Variants in FERMT1 observed in about 807,000 individuals in gnomAD.
The protein encoded by FERMT1 is fermitin family homolog 1.
A neutral mutation model predicts 85.3 loss-of-function variants in FERMT1; 60 were observed. The ratio of observed to expected loss-of-function variants is 0.70; its 90% confidence interval spans 0.57 to 0.87. FERMT1 has a LOEUF of 0.87. FERMT1 is among the 40% of genes least tolerant of loss of function. The pLI is 0.00. For synonymous variants in FERMT1, 275 were observed against 301.1 expected, an observed-to-expected ratio of 0.91 and a Z score of 0.90; for missense variants, 701 against 818.9, an observed-to-expected ratio of 0.86 and a Z score of 1.76.
At chr20:6,088,376 C>T (rs909322857) in intron 10 of FERMT1, among the ~76,000 whole-genome samples, 4 of 152,198 alleles carry the variant, frequency 2.6e-5, no homozygotes, top group Admixed American at 6.5e-5. Flanking sequence ...CAGGATCTTA[C>T]AGCACCTCAT....
chr20:6,111,554 C>T (rs1768458979), intron 4 of FERMT1, among the ~76,000 whole-genome samples: 1 of 152,100 alleles, frequency 6.6e-6, no homozygotes, highest in South Asian at 2.1e-4. Context: ...ATCACTTGAG[C>T]CCGGGAGGCA....
intron 6 of FERMT1, among the ~76,000 whole-genome samples, chr20:6,102,405 G>A (rs1181367001): frequency 6.6e-6 from 1 of 151,922 alleles, no homozygotes; most frequent in Non-Finnish European, 1.5e-5. Context: ...AGATGGGCAC[G>A]GTGGCTCAAG....
Position 6,087,823 on chromosome 20 carries a change from AT to A in FERMT1, c.1324del (p.Ile442SerfsTer7). On this transcript the variant is annotated frameshift_variant, in exon 11 of 15. Transcript: ENST00000217289. LOFTEE classifies it high-confidence loss of function. ...AGRKFGIKLL[I>X]PVADGMNEMY... is the part of the protein sequence containing the mutation. ...TTCATTCATACCATCGGCAACAGGGATTAGTAACTTGATTCCAAATTTTCTT... is the reference window on the plus strand; with the variant it reads ...TTCATTCATACCATCGGCAACAGGGATAGTAACTTGATTCCAAATTTTCTT... 1 of 1,611,998 alleles carries A rather than the reference AT, an allele frequency of 6.2e-7. No individual in the cohort carries two copies. The highest frequency in any genetic ancestry group is 8.5e-7 in the Non-Finnish European group (1 of 1,178,076).
chr20:6,103,841 T>G (rs1982727721), intron 6 of FERMT1, among the ~76,000 whole-genome samples: 1 of 150,226 alleles, frequency 6.7e-6, no homozygotes, highest in East Asian at 1.9e-4. Context: ...TTCTGGATTC[T>G]TCATTTTTTG....
intron 11 of FERMT1, 148 bp downstream of exon 11, chr20:6,087,629 C>G: frequency 1.4e-6 from 1 of 700,670 alleles, no homozygotes; most frequent in Non-Finnish European, 2.6e-6. Flanking sequence ...GTTAGAATGT[C>G]ATTGTGATTT....
intron 2 of FERMT1, among the ~76,000 whole-genome samples, chr20:6,117,057 C>T (rs994722226): frequency 6.6e-6 from 1 of 152,152 alleles, no homozygotes; most frequent in Non-Finnish European, 1.5e-5. Context: ...CCAAAGTGTC[C>T]AAATTGAAGT....
chr20:6,108,160 A>G (rs1982849225), intron 5 of FERMT1, among the ~76,000 whole-genome samples: 1 of 152,148 alleles, frequency 6.6e-6, no homozygotes, highest in Non-Finnish European at 1.5e-5. Context: ...GCCACTGTGC[A>G]CGGCCTCGCT....
At chr20:6,102,072 G>C (rs1170775042) in intron 6 of FERMT1, among the ~76,000 whole-genome samples, 1 of 152,038 alleles carries the variant, frequency 6.6e-6, no homozygotes, top group Non-Finnish European at 1.5e-5. Context: ...CTGTCATGCA[G>C]GGTGTAGTGC....
intron 13 of FERMT1, among the ~76,000 whole-genome samples, chr20:6,079,889 A>G (rs1981945790): frequency 6.6e-6 from 1 of 152,188 alleles, no homozygotes; most frequent in African/African-American, 2.4e-5. Context: ...GGCATGGGAG[A>G]TATAGTAGTA....
Position 6,076,834 on chromosome 20 carries a change from A to G in FERMT1, c.*339T>C, listed in dbSNP as rs1214760967. 2 of 405,904 alleles carry G rather than the reference A, an allele frequency of 4.9e-6. No individual in the cohort carries two copies. The highest frequency in any genetic ancestry group is 2.4e-5 in the South Asian group (1 of 42,212). 25.1% of individuals were successfully genotyped at this position (405,904 alleles called of 1,614,324 possible). A position where few individuals can be genotyped will look rare whatever the true frequency, so the allele number is the denominator to read the frequency against. On this transcript the variant is annotated 3_prime_UTR_variant, in exon 15 of 15. Transcript: ENST00000217289. Reference sequence around the variant, plus strand: ...CATTGACTTAGTAATGAGACAGATCAGCACGAGGATAACTTGTAGCCATAC... The same window carrying G: ...CATTGACTTAGTAATGAGACAGATCGGCACGAGGATAACTTGTAGCCATAC...
At position 6,097,052 on chromosome 20, in the gene FERMT1, T is replaced by G. The variant is rs1982522750; in HGVS notation, c.958-19A>C. On this transcript the variant is annotated intron_variant, in intron 7 of 14. Coordinates refer to ENST00000217289, the MANE Select transcript of FERMT1 (RefSeq NM_017671.5). Reference sequence around the variant, plus strand: ...TGTGGTACTAAAATGAAAACAGACGTTTTAGAAATGTTATAAACAGAAATG... The same window carrying G: ...TGTGGTACTAAAATGAAAACAGACGGTTTAGAAATGTTATAAACAGAAATG... 1 of 1,610,928 alleles carries G rather than the reference T, an allele frequency of 6.2e-7. No homozygotes were observed. Among genetic ancestry groups the G allele is most frequent in the Non-Finnish European group, 8.5e-7 (1 of 1,177,344 alleles).
rs1465787805 is a variant in FERMT1 at position 6,097,014 on chromosome 20, G to A, written c.977C>T (p.Ser326Leu). The A allele has an allele frequency of 8.1e-6, 13 of 1,613,600 alleles. No homozygotes were observed. The Admixed American group carries it at 1.0e-4, about 12-fold the overall frequency. Residue 326 changes from serine to leucine, a missense_variant, in exon 8 of 15, where the codon TCG becomes TTG. By Grantham distance (145) the Ser-to-Leu change is moderately radical (BLOSUM62 -2). Coordinates refer to ENST00000217289, the MANE Select transcript of FERMT1 (RefSeq NM_017671.5). Reference sequence around the variant, plus strand: ...AAAATCCTGTGTTTCAGCAGACAACGACAGTTTGCTAATGTGGTACTAAAA... The same window carrying A: ...AAAATCCTGTGTTTCAGCAGACAACAACAGTTTGCTAATGTGGTACTAAAA... ...AALQYHISKL[S>L]LSAETQDFAG...
At chr20:6,084,996 A>G (rs1982121542) in intron 12 of FERMT1, 70 bp downstream of exon 12, 2 of 1,467,142 alleles carry the variant, frequency 1.4e-6, no homozygotes, top group East Asian at 4.5e-5. Context: ...CCCAGCCGGA[A>G]ATCCTCCTTT....
At chr20:6,087,215 C>A (rs1439944658) in intron 11 of FERMT1, among the ~76,000 whole-genome samples, 1 of 152,138 alleles carries the variant, frequency 6.6e-6, no homozygotes, top group African/African-American at 2.4e-5. Flanking sequence ...TCCCACCAAA[C>A]CTGTGTCTCC....
intron 10 of FERMT1, among the ~76,000 whole-genome samples, chr20:6,088,626 CT>C (rs11475498): frequency 0.33 from 40,070 of 120,982 alleles, 5,279 homozygotes; most frequent in Middle Eastern, 0.5. Context: ...CTGCTCACCT[CT>C]TTTTTTTTTT....
chr20:6,095,370 A>G (rs144028329), intron 8 of FERMT1, among the ~76,000 whole-genome samples: 160 of 152,378 alleles, frequency 1.1e-3, no homozygotes, highest in East Asian at 5.0e-3. Context: ...CGAGATGAAA[A>G]AAATGAAAAA....
rs781532839 is a variant in FERMT1, at chr20:6,094,922, C to G, written c.1139+17G>C. ...TTTGTTATGAGTAACTCCTTTTCCC[C>G]ATAAAAGTTTACTTACCTAAATAAT... On this transcript the variant is annotated intron_variant, in intron 9 of 14. Transcript: ENST00000217289. 2.2e-6 allele frequency: 3 copies of G among 1,357,606 alleles called. No individual in the cohort carries two copies. Among genetic ancestry groups the G allele is most frequent in the Non-Finnish European group, 3.2e-6 (3 of 946,464 alleles). 84.1% of individuals were successfully genotyped at this position (1,357,606 alleles called of 1,614,324 possible).
At chr20:6,080,621 G>A (rs1052336014) in intron 13 of FERMT1, among the ~76,000 whole-genome samples, 31 of 152,190 alleles carry the variant, frequency 2.0e-4, no homozygotes, top group African/African-American at 7.5e-4. Flanking sequence ...AGAAGTGGTC[G>A]GATTCTGTGT....
chr20:6,115,296 T>A (rs1262950545), intron 3 of FERMT1, among the ~76,000 whole-genome samples: 3 of 152,216 alleles, frequency 2.0e-5, no homozygotes, highest in African/African-American at 7.2e-5. Context: ...ATACCAAATC[T>A]ATAAATAATT....
Sources: allele counts gnomAD v4.1 joint callset (sites outside exome capture counted in the v4.1 genomes callset), GRCh38; gene constraint gnomAD v4.1.1; transcripts MANE v1.5; gene names NCBI Gene and HGNC (gene_info 2026-07-23, HGNC 2026-07-21).